FAT3: variants seen among roughly 807,000 people sequenced by gnomAD.
FAT3 encodes the protein FAT atypical cadherin 3.
Under a neutral mutation model 310.2 loss-of-function variants are expected in FAT3, and 95 were observed. The ratio of observed to expected loss-of-function variants is 0.31; its 90% CI spans 0.26 to 0.36. The LOEUF (loss-of-function observed/expected upper bound fraction) is 0.36, where lower values mean the gene tolerates loss of function less well. FAT3 is among the 10% of genes least tolerant of loss of function. The probability of loss-of-function intolerance (pLI) is 1.00; values close to 1 mark genes in which losing one functional copy is unlikely to be tolerated. For missense variants in FAT3, 5,408 were observed against 5,715.6 expected, an observed-to-expected ratio of 0.95 and a Z score of 1.74; for synonymous variants, 2,314 against 2,192.9, an observed-to-expected ratio of 1.06 and a Z score of -1.54.
chr11:92,831,758 G>C lies in FAT3; in HGVS notation c.9618G>C (p.Arg3206=). Residue 3206 remains arginine, a synonymous_variant, in exon 14 of 28, where the codon CGG becomes CGC. Transcript: ENST00000525166. ...EQQSSYNISV[R]ATDQSPGQSL... ...AGTCTTCGTACAACATCAGCGTGCGGGCCACTGACCAGAGTCCTGGACAGT... is the reference window on the plus strand; with the variant it reads ...AGTCTTCGTACAACATCAGCGTGCGCGCCACTGACCAGAGTCCTGGACAGT... The C allele has an allele frequency of 6.2e-7, 1 of 1,613,528 alleles. No homozygotes were observed. The highest frequency in any genetic ancestry group is 1.1e-5 in the South Asian group (1 of 90,922).
intron 1 of FAT3, among the ~76,000 whole-genome samples, chr11:92,293,082 A>C: frequency 7.3e-6 from 1 of 137,334 alleles, no homozygotes; most frequent in Non-Finnish European, 1.6e-5. Flanking sequence ...GGAAGGAAAG[A>C]AGGAAGGAAG....
chr11:92,560,744 T>C (rs1377853921), intron 3 of FAT3, among the ~76,000 whole-genome samples: 1 of 152,186 alleles, frequency 6.6e-6, no homozygotes, highest in Non-Finnish European at 1.5e-5. Context: ...TCATCAGACA[T>C]CATTTTTGTT....
chr11:92,793,314 G>T (rs1026201835), intron 9 of FAT3, among the ~76,000 whole-genome samples: 1 of 152,028 alleles, frequency 6.6e-6, no homozygotes, highest in Non-Finnish European at 1.5e-5. Context: ...AACAAAAGCC[G>T]CCCGCCGATC....
At chr11:92,386,996 C>T (rs1949639035) in intron 2 of FAT3, among the ~76,000 whole-genome samples, 1 of 151,688 alleles carries the variant, frequency 6.6e-6, no homozygotes, top group Non-Finnish European at 1.5e-5. Flanking sequence ...ATCTGTGGCT[C>T]AGAGGGGATT....
rs149271913 is a variant in FAT3 at position 92,653,012 on chromosome 11, A to C, written c.3608-44372A>C. On this transcript the variant is annotated intron_variant, in intron 3 of 27. Transcript: ENST00000525166. ...ACCCCGTCTCTACTATACACAAATT[A>C]GCTGGGCATGGTGGCACATGCCTGT... is the stretch of plus-strand genomic sequence containing the variant. Among the ~76,000 whole-genome samples, 523 of 152,274 alleles carry C rather than the reference A, an allele frequency of 3.4e-3. 4 individuals carry two copies. The highest frequency in any genetic ancestry group is 6.2e-3 in the Non-Finnish European group (419 of 68,030).
chr11:92,805,011 G>A, intron 10 of FAT3, 142 bp from the exon 11 acceptor site: 1 of 696,432 alleles, frequency 1.4e-6, no homozygotes, highest in Non-Finnish European at 2.2e-6. Flanking sequence ...AGAATCAAAG[G>A]GAGTCTCAGT....
chr11:92,843,612 G>A (rs1948599587), intron 18 of FAT3, among the ~76,000 whole-genome samples: 1 of 152,190 alleles, frequency 6.6e-6, no homozygotes, highest in African/African-American at 2.4e-5. Context: ...CCCTGTGGTT[G>A]CTGCATACAA....
At chr11:92,659,774 A>C (rs1324776891) in intron 3 of FAT3, among the ~76,000 whole-genome samples, 1 of 152,206 alleles carries the variant, frequency 6.6e-6, no homozygotes, top group East Asian at 1.9e-4. Context: ...TGATGAAGAC[A>C]CATTGCAGGA....
intron 2 of FAT3, among the ~76,000 whole-genome samples, chr11:92,373,563 T>G (rs907167254): frequency 6.6e-6 from 1 of 152,184 alleles, no homozygotes; most frequent in African/African-American, 2.4e-5. Context: ...ATCTGTAATA[T>G]TCATGTATTC....
chr11:92,551,617 C>A (rs1193201092), intron 3 of FAT3, among the ~76,000 whole-genome samples: 1 of 151,996 alleles, frequency 6.6e-6, no homozygotes, highest in African/African-American at 2.4e-5. Flanking sequence ...TTAAAACATT[C>A]AAAGAAACCA....
At chr11:92,393,710 G>A (rs997688233) in intron 2 of FAT3, among the ~76,000 whole-genome samples, 4 of 152,132 alleles carry the variant, frequency 2.6e-5, no homozygotes, top group Non-Finnish European at 1.5e-5. Context: ...AATTAATTAC[G>A]AGTGCAGTAT....
intron 12 of FAT3, among the ~76,000 whole-genome samples, chr11:92,809,536 G>A (rs372588321): frequency 1.1e-4 from 17 of 152,142 alleles, no homozygotes; most frequent in African/African-American, 3.9e-4. Flanking sequence ...GATCTTGAGA[G>A]GTTTAAAGAG....
chr11:92,604,997 A>G (rs1940205241), intron 3 of FAT3, among the ~76,000 whole-genome samples: 1 of 152,202 alleles, frequency 6.6e-6, no homozygotes, highest in Middle Eastern at 3.2e-3. Flanking sequence ...AGGAAGCATT[A>G]GGCAGTGCCT....
intron 1 of FAT3, among the ~76,000 whole-genome samples, chr11:92,323,402 C>G (rs980126858): frequency 6.6e-6 from 1 of 151,958 alleles, no homozygotes; most frequent in African/African-American, 2.4e-5. Context: ...TGCATGTCAC[C>G]ATGCCTGGAT....
chr11:92,809,964 T>A lies in FAT3; in HGVS notation c.9369T>A (p.Asp3123Glu), dbSNP rs1324189008. 6 of 1,613,990 alleles carry A rather than the reference T, an allele frequency of 3.7e-6. No individual in the cohort carries two copies. Among genetic ancestry groups the A allele is most frequent in the Non-Finnish European group, 5.1e-6 (6 of 1,179,872 alleles). The change falls in exon 13 of 28, where the codon GAT (aspartate) becomes GAA (glutamate). Residue 3123 changes from aspartate to glutamate, a missense_variant. This residue lies in a region of FAT3 where 4,588 missense variants were observed against 4,809.8 expected (regional missense o/e 0.95). Transcript: ENST00000525166. Reference sequence around the variant, plus strand: ...CCAACATCCACCTAATCCTGGAGGATGTGAATGATAACCCCCCTGTGTTTT... The same window carrying A: ...CCAACATCCACCTAATCCTGGAGGAAGTGAATGATAACCCCCCTGTGTTTT... The part of the protein sequence containing the change: ...CQSNIHLILE[D>E]VNDNPPVFSS...
chr11:92,306,268 A>G lies in FAT3; in HGVS notation c.-17-45828A>G, dbSNP rs188006975. ...ATGTTTTTAGCTTCTCTAGGTGACT[A>G]TCTCCTCCCATTACTACCAATGAGA... On this transcript the variant is annotated intron_variant, in intron 1 of 27. Transcript: ENST00000525166. Among the ~76,000 whole-genome samples the G allele has an allele frequency of 4.0e-5, 6 of 151,446 alleles. No homozygotes were observed. In the East Asian group the frequency reaches 9.8e-4, roughly 25 times the overall value.
At chr11:92,847,798 A>G (rs1271888452) in intron 19 of FAT3, among the ~76,000 whole-genome samples, 5 of 152,220 alleles carry the variant, frequency 3.3e-5, no homozygotes, top group African/African-American at 4.8e-5. Flanking sequence ...CACTTCTAGA[A>G]TTATCTTTCA....
At chr11:92,886,837 G>GC in intron 24 of FAT3, 163 bp from the exon 25 acceptor site, 1 of 604,088 alleles carries the variant, frequency 1.7e-6, no homozygotes, top group Non-Finnish European at 2.9e-6. Context: ...ACAGAACTTT[G>GC]CCCCCAGTGG....
chr11:92,676,018 CA>C (rs1486036957), intron 3 of FAT3, among the ~76,000 whole-genome samples: 2 of 152,076 alleles, frequency 1.3e-5, no homozygotes, highest in Non-Finnish European at 2.9e-5. Context: ...TCCCTGCCAA[CA>C]TCTAATAATA....
Sources: gnomAD v4.1 joint callset for allele counts (sites outside exome capture counted in the v4.1 genomes callset) on GRCh38, gnomAD v4.1.1 for gene constraint, gnomAD v4.1.1 regional missense constraint, MANE v1.5 for transcripts, NCBI Gene and HGNC (gene_info 2026-07-23, HGNC 2026-07-21) for gene names.